The following TRIM44 variants were observed in gnomAD, a reference collection of about 807,000 sequenced individuals.
TRIM44 encodes tripartite motif containing 44.
A neutral mutation model predicts 37.4 loss-of-function variants in TRIM44; 13 were observed. The observed-to-expected ratio is 0.35, with a 90% CI of 0.23 to 0.55. The LOEUF (loss-of-function observed/expected upper bound fraction) is 0.55. TRIM44 is among the 20% of genes least tolerant of loss of function. The pLI is 0.89. For synonymous variants in TRIM44, 175 were observed against 157.2 expected, an observed-to-expected ratio of 1.11 and a Z score of -0.85; for missense variants, 426 against 437.2, an observed-to-expected ratio of 0.97 and a Z score of 0.23.
intron 2 of TRIM44, among the ~76,000 whole-genome samples, chr11:35,686,673 C>T (rs1851586051): frequency 1.3e-5 from 2 of 152,146 alleles, no homozygotes; most frequent in African/African-American, 4.8e-5. Flanking sequence ...TCTCCTGCCT[C>T]AGCCGCCTGA....
rs773066349 is a variant in TRIM44, at chr11:35,663,423, G to C, written c.312G>C (p.Glu104Asp). Residue 104 changes from glutamate to aspartate, a missense_variant, in exon 1 of 5, where the codon GAG becomes GAC. By Grantham distance (45) the Glu-to-Asp change is conservative. This residue lies in a region of TRIM44 where 331 missense variants were observed against 303.0 expected (regional missense o/e 1.09). Transcript: ENST00000299413. ...EAGEESESEE[E>D]SESEEESETE... ...GGGAAGAGAGTGAGTCGGAGGAAGA[G>C]AGCGAGTCAGAGGAAGAGAGCGAGA... 1.7e-5 allele frequency: 27 copies of C among 1,570,510 alleles called. No homozygotes were observed. Among genetic ancestry groups the C allele is most frequent in the Non-Finnish European group, 2.2e-5 (26 of 1,155,870 alleles).
intron 2 of TRIM44, among the ~76,000 whole-genome samples, chr11:35,701,700 A>T (rs1199136495): frequency 6.6e-6 from 1 of 152,094 alleles, no homozygotes; most frequent in African/African-American, 2.4e-5. Context: ...ATCCTAAGGT[A>T]CCCCTCTTTA....
intron 3 of TRIM44, among the ~76,000 whole-genome samples, chr11:35,733,744 C>G (rs1335442949): frequency 2.0e-5 from 3 of 152,148 alleles, no homozygotes; most frequent in Admixed American, 6.6e-5. Context: ...TTACCTCAGT[C>G]ACGCTCAACC....
chr11:35,764,903 A>G (rs923261796), intron 4 of TRIM44, among the ~76,000 whole-genome samples: 5 of 152,142 alleles, frequency 3.3e-5, no homozygotes, highest in African/African-American at 1.2e-4. Flanking sequence ...CTCTCTGAAG[A>G]TGAATGTTGT....
intron 4 of TRIM44, among the ~76,000 whole-genome samples, chr11:35,787,564 G>A (rs1192697431): frequency 1.3e-5 from 2 of 152,118 alleles, no homozygotes; most frequent in Non-Finnish European, 2.9e-5. Flanking sequence ...ATTGCAAATG[G>A]AAGAAAAATA....
intron 2 of TRIM44, among the ~76,000 whole-genome samples, chr11:35,714,030 G>T (rs1057179021): frequency 6.6e-6 from 1 of 152,154 alleles, no homozygotes; most frequent in African/African-American, 2.4e-5. Context: ...AGGAGCCTCA[G>T]TATTGATATC....
chr11:35,765,678 A>G (rs989783275), intron 4 of TRIM44, among the ~76,000 whole-genome samples: 1 of 152,210 alleles, frequency 6.6e-6, no homozygotes, highest in African/African-American at 2.4e-5. Flanking sequence ...AAGCTTGGGT[A>G]TAAAAGAAGT....
At chr11:35,710,268 T>C (rs549818420) in intron 2 of TRIM44, among the ~76,000 whole-genome samples, 1 of 152,346 alleles carries the variant, frequency 6.6e-6, no homozygotes, top group South Asian at 2.1e-4. Context: ...GAGAGCTTTG[T>C]ATCCTACCTT....
rs1417491449 is a variant in TRIM44 at position 35,812,257 on chromosome 11, C to A, written c.*5872C>A. 1 of 152,150 alleles carries A rather than the reference C, an allele frequency of 6.6e-6. No individual in the cohort carries two copies. The highest frequency in any genetic ancestry group is 1.5e-5 in the Non-Finnish European group (1 of 68,026). The allele number at this position is 152,150 out of a possible 1,614,324, so 9.4% of individuals were successfully genotyped here. ...CAGCTTGTCTGGAATATCTCCTGGC[C>A]TTCACAAGGCACCAGAGTTAGAGAC... On this transcript the variant is annotated 3_prime_UTR_variant, in exon 5 of 5. Coordinates refer to ENST00000299413, the MANE Select transcript of TRIM44 (RefSeq NM_017583.6).
At chr11:35,747,924 G>T (rs532095383) in intron 4 of TRIM44, among the ~76,000 whole-genome samples, 2 of 152,054 alleles carry the variant, frequency 1.3e-5, no homozygotes, top group Admixed American at 6.6e-5. Context: ...TGTTGCAGGA[G>T]GGAAAACTTA....
chr11:35,716,204 A>G (rs1038239942), intron 2 of TRIM44, among the ~76,000 whole-genome samples: 6 of 152,226 alleles, frequency 3.9e-5, no homozygotes, highest in African/African-American at 1.4e-4. Flanking sequence ...TTTGAGACCA[A>G]GAATAGAAAG....
chr11:35,789,999 G>T (rs1432255904), intron 4 of TRIM44, among the ~76,000 whole-genome samples: 1 of 152,034 alleles, frequency 6.6e-6, no homozygotes, highest in Non-Finnish European at 1.5e-5. Flanking sequence ...ATGTCATTTG[G>T]GTGCCACAGA....
chr11:35,732,053 AG>A (rs1852267895), intron 3 of TRIM44, among the ~76,000 whole-genome samples: 2 of 152,176 alleles, frequency 1.3e-5, no homozygotes, highest in South Asian at 4.1e-4. Flanking sequence ...TACTGTTTCT[AG>A]TATTTTGCTT....
intron 2 of TRIM44, among the ~76,000 whole-genome samples, chr11:35,697,696 A>C (rs933429302): frequency 7.9e-5 from 12 of 151,750 alleles, no homozygotes; most frequent in African/African-American, 2.9e-4. Context: ...GAGTGAGAAT[A>C]TGCGGTGTTT....
intron 1 of TRIM44, among the ~76,000 whole-genome samples, chr11:35,664,616 G>C (rs780488173): frequency 5.9e-5 from 9 of 152,168 alleles, no homozygotes; most frequent in Non-Finnish European, 1.2e-4. Flanking sequence ...TCCCTGAATA[G>C]GGAATAGCTG....
intron 3 of TRIM44, 25 bp downstream of exon 3, chr11:35,726,188 A>T: frequency 6.2e-7 from 1 of 1,608,644 alleles, no homozygotes; most frequent in South Asian, 1.1e-5. Flanking sequence ...CATAATTATT[A>T]GTAGCAAGAG....
At chr11:35,783,989 C>T (rs1015589048) in intron 4 of TRIM44, among the ~76,000 whole-genome samples, 1 of 152,204 alleles carries the variant, frequency 6.6e-6, no homozygotes, top group South Asian at 2.1e-4. Context: ...CTATCAGCCT[C>T]ACACTGACGT....
At chr11:35,669,093 G>C (rs985653788) in intron 1 of TRIM44, among the ~76,000 whole-genome samples, 1 of 152,088 alleles carries the variant, frequency 6.6e-6, no homozygotes, top group African/African-American at 2.4e-5. Flanking sequence ...GCTGGGTTCT[G>C]TGTAGCTGTG....
chr11:35,707,499 C>G (rs553430993), intron 2 of TRIM44, among the ~76,000 whole-genome samples: 41 of 152,276 alleles, frequency 2.7e-4, no homozygotes, highest in Admixed American at 2.6e-3. Context: ...GTCATGCTAC[C>G]TGACTTCAAA....
Sources: gnomAD v4.1 joint callset for allele counts (sites outside exome capture counted in the v4.1 genomes callset) on GRCh38, gnomAD v4.1.1 for gene constraint, gnomAD v4.1.1 regional missense constraint, MANE v1.5 for transcripts, NCBI Gene and HGNC (gene_info 2026-07-23, HGNC 2026-07-21) for gene names.